Variants in SYNE1 observed in about 807,000 individuals in gnomAD.
SYNE1 encodes spectrin repeat containing nuclear envelope protein 1.
A neutral mutation model predicts 1,111.0 loss-of-function variants in SYNE1; 616 were observed. That is an observed-to-expected ratio of 0.55 (90% CI 0.52 to 0.59). The LOEUF (loss-of-function observed/expected upper bound fraction) is 0.59. Among genes scored for constraint, SYNE1 ranks in the 20% least tolerant of loss-of-function variants. SYNE1 has a pLI of 0.00. For synonymous variants in SYNE1, 3,855 were observed against 3,825.8 expected (o/e 1.01, Z -0.28); for missense variants, 10,006 against 10,417.0 (o/e 0.96, Z 1.72).
chr6:152,462,566 CT>C, intron 20 of SYNE1, 171 bp downstream of exon 20: 1 of 697,168 alleles, frequency 1.4e-6, no homozygotes, highest in Non-Finnish European at 2.4e-6. Flanking sequence ...CAAGTCATGT[CT>C]TTTTTATGTT....
chr6:152,352,380 A>C, intron 69 of SYNE1, 27 bp from the exon 70 acceptor site: 2 of 1,604,014 alleles, frequency 1.2e-6, no homozygotes, highest in Non-Finnish European at 1.7e-6. Flanking sequence ...GTAGGAGCAA[A>C]GGTAGTCTTG....
At chr6:152,505,843 C>T (rs1224718894) in intron 8 of SYNE1, among the ~76,000 whole-genome samples, 1 of 152,126 alleles carries the variant, frequency 6.6e-6, no homozygotes, top group African/African-American at 2.4e-5. Flanking sequence ...GTAGAAAGAG[C>T]TAACACGTTT....
intron 64 of SYNE1, among the ~76,000 whole-genome samples, chr6:152,361,537 C>G (rs962967305): frequency 3.9e-5 from 6 of 151,996 alleles, no homozygotes; most frequent in Non-Finnish European, 8.8e-5. Flanking sequence ...GTAATATATT[C>G]AGGGTGAGGT....
chr6:152,450,764 C>G lies in SYNE1; in HGVS notation c.3256G>C (p.Val1086Leu). ...KRLQLIEELC[V>L]KLPVRDPVRD... is the part of the protein sequence containing the mutation. Reference sequence around the variant, plus strand: ...ACTGGGTCCCGCACTGGGAGTTTCACACAGAGTTCCTCGATGAGCTGTAAC... The same window carrying G: ...ACTGGGTCCCGCACTGGGAGTTTCAGACAGAGTTCCTCGATGAGCTGTAAC... Residue 1086 changes from valine to leucine, a missense_variant, in exon 27 of 146, where the codon GTG becomes CTG. Val to Leu is a conservative substitution (Grantham distance 32). Coordinates refer to ENST00000367255, the MANE Select transcript of SYNE1 (RefSeq NM_182961.4). 2 of 1,614,106 alleles carry G rather than the reference C, an allele frequency of 1.2e-6. No homozygotes were observed. Among genetic ancestry groups the G allele is most frequent in the Non-Finnish European group, 1.7e-6 (2 of 1,180,008 alleles).
intron 72 of SYNE1, among the ~76,000 whole-genome samples, chr6:152,349,534 A>G (rs1017339042): frequency 9.2e-5 from 14 of 152,352 alleles, no homozygotes; most frequent in Admixed American, 7.2e-4. Context: ...AGATTCCATA[A>G]AGACTAAATT....
rs1395937709 is a variant in SYNE1, at chr6:152,455,559, T to C, written c.2759A>G (p.Lys920Arg). Residue 920 changes from lysine (K) to arginine (R), a missense_variant, in exon 24 of 146, where the codon AAG (lysine) becomes AGG (arginine). Physicochemically the swap from Lys to Arg is conservative, Grantham distance 26. Around this residue, in one of 7 missense-constraint regions of SYNE1, gnomAD observed 1,971 missense variants for 2,084.1 expected, o/e 0.95. Transcript: ENST00000367255. Reference sequence around the variant, plus strand: ...CAAGCGACTGTTGGTTTCCACATGCTTCTTCCAATCTCCAGTTTTCTTTAC... The same window carrying C: ...CAAGCGACTGTTGGTTTCCACATGCCTCTTCCAATCTCCAGTTTTCTTTAC... ...SMVKKTGDWKKHVETNSRLMK... is the reference protein window; with the variant it reads ...SMVKKTGDWKRHVETNSRLMK... The C allele has an allele frequency of 5.6e-6, 9 of 1,614,050 alleles. No individual in the cohort carries two copies. The African/African-American group carries it at 9.3e-5, about 17-fold the overall frequency.
At chr6:152,247,605 C>A (rs1391409455) in intron 105 of SYNE1, among the ~76,000 whole-genome samples, 5 of 151,014 alleles carry the variant, frequency 3.3e-5, no homozygotes, top group Non-Finnish European at 7.4e-5. Context: ...TGGCTCACAC[C>A]GGTAATCCCA....
intron 127 of SYNE1, among the ~76,000 whole-genome samples, chr6:152,196,448 G>A (rs558276356): frequency 5.9e-4 from 90 of 152,080 alleles, no homozygotes; most frequent in Admixed American, 1.5e-3. Context: ...GTAATACCTG[G>A]TTACACTGCT....
intron 2 of SYNE1, among the ~76,000 whole-genome samples, chr6:152,629,394 C>T (rs888751512): frequency 4.6e-5 from 7 of 151,404 alleles, no homozygotes; most frequent in African/African-American, 1.7e-4. Flanking sequence ...TTAGTAGAGA[C>T]GGGGTTTCAC....
chr6:152,259,974 G>T (rs2091706948), intron 101 of SYNE1, among the ~76,000 whole-genome samples: 1 of 152,208 alleles, frequency 6.6e-6, no homozygotes, highest in South Asian at 2.1e-4. Flanking sequence ...GTCAGTGGCA[G>T]CAGGGCAAGG....
intron 30 of SYNE1, 64 bp downstream of exon 30, chr6:152,444,347 C>T (rs1592828464): frequency 1.3e-6 from 2 of 1,570,314 alleles, no homozygotes; most frequent in Non-Finnish European, 8.7e-7. Context: ...TTCTTTATCT[C>T]TCTGGTTCTT....
intron 95 of SYNE1, among the ~76,000 whole-genome samples, chr6:152,288,972 G>T (rs530527529): frequency 1.3e-5 from 2 of 152,154 alleles, no homozygotes; most frequent in South Asian, 2.1e-4. Flanking sequence ...GCTCAGGGGG[G>T]GCGTGAGATT....
rs745691393 is a variant in SYNE1, at chr6:152,433,798, A to C, written c.4458T>G (p.Ile1486Met). 8.7e-6 allele frequency: 14 copies of C among 1,613,624 alleles called. No homozygotes were observed. Among genetic ancestry groups the C allele is most frequent in the African/African-American group, 6.7e-5 (5 of 74,908 alleles). The part of the protein sequence containing the change: ...SSAMDMQISQ[I>M]KVTIQEIESK... ...ATATAATGTGTGAGCAGGTCACCTTAATTTGGCTGATTTGCATGTCCATGG... is the reference window on the plus strand; with the variant it reads ...ATATAATGTGTGAGCAGGTCACCTTCATTTGGCTGATTTGCATGTCCATGG... Residue 1486 changes from isoleucine (I) to methionine (M), a missense_variant, in exon 34 of 146, where the codon ATT becomes ATG. Physicochemically the swap from Ile to Met is conservative, Grantham distance 10 (BLOSUM62 1). Around this residue, in one of 7 missense-constraint regions of SYNE1, gnomAD observed 1,971 missense variants for 2,084.1 expected, o/e 0.95. Transcript: ENST00000367255.
At chr6:152,318,499 C>T (rs997736715) in intron 85 of SYNE1, among the ~76,000 whole-genome samples, 1 of 152,048 alleles carries the variant, frequency 6.6e-6, no homozygotes, top group Non-Finnish European at 1.5e-5. Context: ...TTTCCTTCTG[C>T]CCCACCCAAA....
chr6:152,562,233 G>A (rs758368053), intron 3 of SYNE1, among the ~76,000 whole-genome samples: 6 of 151,958 alleles, frequency 3.9e-5, no homozygotes, highest in Non-Finnish European at 7.4e-5. Context: ...CAAAGAAAAC[G>A]GGCAAAGGAC....
chr6:152,127,024 T>C (rs539617791), intron 145 of SYNE1: 2 of 152,332 alleles, frequency 1.3e-5, no homozygotes, highest in African/African-American at 4.8e-5. Flanking sequence ...ATGTGTCTTG[T>C]CTTTGAAACC....
rs762171497 is a variant in SYNE1, at chr6:152,310,814, T to C, written c.16770A>G (p.Leu5590=). Residue 5590 remains leucine (L), a synonymous_variant, in exon 88 of 146, where the codon TTA becomes TTG. Transcript: ENST00000367255. The part of the protein sequence containing the change: ...DSELEAMTEK[L]QYLTSVYCTE... ...TACAGTACACGCTAGTGAGGTACTGTAATTTCTCAGTCATTGCTTCCAGCT... is the reference window on the plus strand; with the variant it reads ...TACAGTACACGCTAGTGAGGTACTGCAATTTCTCAGTCATTGCTTCCAGCT... The C allele has an allele frequency of 3.7e-6, 6 of 1,614,190 alleles. No homozygotes were observed. In the African/African-American group the frequency reaches 4.0e-5, roughly 11 times the overall value.
At chr6:152,476,346 T>C (rs1425180554) in intron 14 of SYNE1, among the ~76,000 whole-genome samples, 1 of 152,228 alleles carries the variant, frequency 6.6e-6, no homozygotes, top group Non-Finnish European at 1.5e-5. Context: ...CCCCAAATCA[T>C]AGTGTCATTT....
intron 129 of SYNE1, 60 bp from the exon 130 acceptor site, chr6:152,176,620 G>T: frequency 2.0e-6 from 3 of 1,513,264 alleles, no homozygotes; most frequent in Non-Finnish European, 1.8e-6. Flanking sequence ...ATCCAGCCCA[G>T]CTCTACTAGA....
Sources: gnomAD v4.1 joint callset for allele counts (sites outside exome capture counted in the v4.1 genomes callset) on GRCh38, gnomAD v4.1.1 for gene constraint, gnomAD v4.1.1 regional missense constraint, MANE v1.5 for transcripts, NCBI Gene and HGNC (gene_info 2026-07-23, HGNC 2026-07-21) for gene names.